Variants in AHSG observed in about 807,000 individuals in gnomAD.
AHSG encodes the protein alpha 2-HS glycoprotein.
In AHSG, 23 loss-of-function variants were observed where a neutral mutation model predicts 30.1. The observed-to-expected ratio is 0.76, with a 90% CI of 0.55 to 1.08. AHSG has a LOEUF of 1.08. AHSG is among the 50% of genes least tolerant of loss of function. The probability of loss-of-function intolerance (pLI) is 0.00; values close to 1 mark genes in which losing one functional copy is unlikely to be tolerated. For synonymous variants in AHSG, 164 were observed against 186.3 expected (o/e 0.88, Z 0.98); for missense variants, 469 against 459.5 (o/e 1.02, Z -0.19).
chr3:186,615,451 A>G (rs546621270), intron 1 of AHSG, among the ~76,000 whole-genome samples: 1 of 152,312 alleles, frequency 6.6e-6, no homozygotes, highest in East Asian at 1.9e-4. Flanking sequence ...CTGCTTTGCG[A>G]GCATCATCTG....
chr3:186,617,456 G>A (rs1716344534), intron 4 of AHSG, 106 bp downstream of exon 4: 2 of 1,583,452 alleles, frequency 1.3e-6, no homozygotes, highest in East Asian at 4.5e-5. Flanking sequence ...CAGGGGCAGC[G>A]ATGAGAAAGC....
At chr3:186,614,154 G>T (rs1168016762) in intron 1 of AHSG, among the ~76,000 whole-genome samples, 2 of 152,248 alleles carry the variant, frequency 1.3e-5, no homozygotes, top group African/African-American at 2.4e-5. Context: ...AATATGCCTC[G>T]GGGATCAGTC....
chr3:186,617,563 T>C (rs1716348697), intron 4 of AHSG: 1 of 865,684 alleles, frequency 1.2e-6, no homozygotes, highest in Non-Finnish European at 1.8e-6. Context: ...GCCTCCCCCA[T>C]GCTGAGCCAC....
Position 186,620,635 on chromosome 3 carries a change from CA to C in AHSG, c.810del (p.Val272TrpfsTer138). 6.2e-7 allele frequency: 1 copy of C among 1,613,380 alleles called. No individual in the cohort carries two copies. The highest frequency in any genetic ancestry group is 8.5e-7 in the Non-Finnish European group (1 of 1,179,436). On this transcript the variant is annotated frameshift_variant, in exon 7 of 7. Coordinates refer to ENST00000411641, the MANE Select transcript of AHSG (RefSeq NM_001622.4). LOFTEE classifies it low-confidence loss of function (END_TRUNC). Reference protein sequence around the residue: ...QPEGANEAVPTPVVDPDAPPS... With the variant: ...QPEGANEAVPXPVVDPDAPPS... ...GAAGGTGCCAATGAAGCAGTCCCCACACCCGTGGTGGACCCAGATGCACCTC... is the reference window on the plus strand; with the variant it reads ...GAAGGTGCCAATGAAGCAGTCCCCACCCCGTGGTGGACCCAGATGCACCTC...
chr3:186,616,374 G>T (rs1170244443), intron 2 of AHSG, 69 bp from the exon 3 acceptor site: 18 of 1,278,320 alleles, frequency 1.4e-5, no homozygotes, highest in Non-Finnish European at 1.8e-5. Flanking sequence ...TGACAGCCGT[G>T]CCTGGAGGGA....
In AHSG at chr3:186,619,940, GGTAA is replaced by G; in HGVS notation, c.759+1_759+4del. 1.2e-6 allele frequency: 2 copies of G among 1,609,036 alleles called. No homozygotes were observed. The highest frequency in any genetic ancestry group is 2.2e-5 in the South Asian group (2 of 90,238). On this transcript the variant is annotated splice_donor_variant and splice_donor_region_variant and intron_variant, in intron 6 of 6. Transcript: ENST00000411641. LOFTEE classifies it high-confidence loss of function. ...TGACCTGCATGGTGTTCCAAACACA[GGTAA>G]CAGCTCCGTGAATATTCTTGCCTAC...
chr3:186,618,692 C>A, intron 5 of AHSG, 55 bp downstream of exon 5: 6 of 1,596,708 alleles, frequency 3.8e-6, no homozygotes, highest in Non-Finnish European at 5.1e-6. Flanking sequence ...GTTTGTGGAA[C>A]AGAACATCCT....
chr3:186,619,732 C>G, intron 5 of AHSG, 125 bp from the exon 6 acceptor site: 1 of 676,486 alleles, frequency 1.5e-6, no homozygotes, highest in Non-Finnish European at 2.5e-6. Context: ...ATACCTCCCA[C>G]AAGCAGAAAC....
intron 2 of AHSG, 139 bp downstream of exon 2, chr3:186,615,934 G>C (rs1716290852): frequency 1.4e-6 from 1 of 730,892 alleles, no homozygotes; most frequent in African/African-American, 1.7e-5. Flanking sequence ...AGTGGCTCAT[G>C]CCTATAATCT....
intron 4 of AHSG, 148 bp from the exon 5 acceptor site, chr3:186,618,388 T>C (rs757511553): frequency 7.5e-7 from 1 of 1,325,106 alleles, no homozygotes; most frequent in South Asian, 1.5e-5. Flanking sequence ...AACTGCCCTA[T>C]GTAAGCCATT....
At chr3:186,619,808 G>A (rs762188966) in intron 5 of AHSG, 49 bp from the exon 6 acceptor site, 50 of 1,468,088 alleles carry the variant, frequency 3.4e-5, no homozygotes, top group Non-Finnish European at 4.3e-5. Context: ...AATTGGGGGG[G>A]ATCCATTTTT....
chr3:186,614,957 AT>A (rs1302832583), intron 1 of AHSG, among the ~76,000 whole-genome samples: 4 of 152,126 alleles, frequency 2.6e-5, no homozygotes, highest in Admixed American at 6.5e-5. Flanking sequence ...ATCTCCAAGG[AT>A]TGTTGCAAGC....
In AHSG at chr3:186,618,546, C is replaced by T. The variant is rs372639228; in HGVS notation, c.584C>T (p.Pro195Leu). 36 of 1,613,614 alleles carry T rather than the reference C, an allele frequency of 2.2e-5. No individual in the cohort carries two copies. In the East Asian group the frequency reaches 8.0e-4, roughly 36 times the overall value. ...ISRAQLVPLP[P>L]STYVEFTVSG... ...ATGTACTCTTCTCAGCCCCTCCCAC[C>T]TTCTACCTATGTGGAGTTTACAGTG... The change falls in exon 5 of 7, where the codon CCT becomes CTT. Residue 195 changes from proline to leucine, a missense_variant. Coordinates refer to ENST00000411641, the MANE Select transcript of AHSG (RefSeq NM_001622.4).
chr3:186,619,674 T>C (rs577940517), intron 5 of AHSG, among the ~76,000 whole-genome samples, 183 bp from the exon 6 acceptor site: 7 of 152,312 alleles, frequency 4.6e-5, no homozygotes, highest in African/African-American at 1.7e-4. Context: ...GGGTAATCTC[T>C]CTCACTCTCA....
In AHSG at chr3:186,615,723, CCTGGAAACCACCTGCCATGTG is replaced by C; in HGVS notation, c.258_278del (p.Glu86_Leu92del). 1 of 1,614,218 alleles carries C rather than the reference CCTGGAAACCACCTGCCATGTG, an allele frequency of 6.2e-7. No homozygotes were observed. The highest frequency in any genetic ancestry group is 2.2e-5 in the East Asian group (1 of 44,878). On this transcript the variant is annotated inframe_deletion, in exon 2 of 7. Transcript: ENST00000411641. Reference sequence around the variant, plus strand: ...AGCTGTTTGAGATTGAAATAGACACCCTGGAAACCACCTGCCATGTGCTGGACCCCACCCCTGTGGCAAGAT... The same window carrying C: ...AGCTGTTTGAGATTGAAATAGACACCCTGGACCCCACCCCTGTGGCAAGAT...
rs1490232480 is a variant in AHSG, at chr3:186,619,931, C to T, written c.750C>T (p.Phe250=). ...AGGTTGCAGTGACCTGCATGGTGTTCCAAACACAGGTAACAGCTCCGTGAA... is the reference window on the plus strand; with the variant it reads ...AGGTTGCAGTGACCTGCATGGTGTTTCAAACACAGGTAACAGCTCCGTGAA... The part of the protein sequence containing the change: ...GAEVAVTCMV[F]QTQPVSSQPQ... The change falls in exon 6 of 7, where the codon TTC becomes TTT. Residue 250 remains phenylalanine, a synonymous_variant. Coordinates refer to ENST00000411641, the MANE Select transcript of AHSG (RefSeq NM_001622.4). 1.9e-6 allele frequency: 3 copies of T among 1,610,374 alleles called. No individual in the cohort carries two copies.
intron 2 of AHSG, 134 bp from the exon 3 acceptor site, chr3:186,616,309 G>T (rs1040232994): frequency 1.6e-6 from 1 of 620,380 alleles, no homozygotes; most frequent in Non-Finnish European, 2.9e-6. Flanking sequence ...CCTGAAAGCA[G>T]AGAGTGCCAT....
chr3:186,618,254 C>T (rs780273817), intron 4 of AHSG, among the ~76,000 whole-genome samples: 14 of 152,176 alleles, frequency 9.2e-5, no homozygotes, highest in Admixed American at 2.0e-4. Flanking sequence ...CCTTCTGATT[C>T]CGGTTTCCTA....
chr3:186,616,673 ATTGTG>A, intron 3 of AHSG, 146 bp downstream of exon 3: 1 of 756,636 alleles, frequency 1.3e-6, no homozygotes, highest in Non-Finnish European at 2.1e-6. Context: ...GATTTTTAAA[ATTGTG>A]TTTTAAGAAG....
Sources: gnomAD v4.1 joint callset for allele counts (sites outside exome capture counted in the v4.1 genomes callset) on GRCh38, gnomAD v4.1.1 for gene constraint, MANE v1.5 for transcripts, NCBI Gene and HGNC (gene_info 2026-07-23, HGNC 2026-07-21) for gene names.